The following DST variants were observed in gnomAD, a reference collection of about 807,000 sequenced individuals.
DST encodes the protein bullous pemphigoid antigen.
In DST, 253 loss-of-function variants were observed where a neutral mutation model predicts 875.2. That is an observed-to-expected ratio of 0.29 (90% CI 0.26 to 0.32). The LOEUF is 0.32. Ranked by LOEUF, DST falls within the 10% of genes least tolerant of loss-of-function variation. The probability of loss-of-function intolerance (pLI) is 1.00; values close to 1 mark genes in which losing one functional copy is unlikely to be tolerated. For synonymous variants in DST, 3,124 were observed against 3,197.1 expected, an observed-to-expected ratio of 0.98 and a Z score of 0.77; for missense variants, 8,287 against 9,111.6, an observed-to-expected ratio of 0.91 and a Z score of 3.68.
intron 98 of DST, among the ~76,000 whole-genome samples, chr6:56,467,826 T>C (rs764668983): frequency 4.6e-5 from 7 of 152,234 alleles, no homozygotes; most frequent in East Asian, 1.9e-4. Context: ...CAAGAGAAAA[T>C]AGACTAATGT....
chr6:56,665,368 T>C (rs1336585216), intron 10 of DST, among the ~76,000 whole-genome samples: 1 of 152,222 alleles, frequency 6.6e-6, no homozygotes, highest in Non-Finnish European at 1.5e-5. Context: ...TAGTTGTCAG[T>C]TGTATATGGC....
At chr6:56,679,134 C>T (rs1204378288) in intron 9 of DST, among the ~76,000 whole-genome samples, 2 of 152,082 alleles carry the variant, frequency 1.3e-5, no homozygotes, top group Non-Finnish European at 2.9e-5. Context: ...TACAGATGCC[C>T]CTTCTATCTT....
At chr6:56,931,140 T>A (rs1178143026) in intron 2 of DST, among the ~76,000 whole-genome samples, 3 of 152,060 alleles carry the variant, frequency 2.0e-5, no homozygotes, top group African/African-American at 7.3e-5. Context: ...GAGTTGAGGG[T>A]AGAAGTTTGG....
At chr6:56,863,454 A>C (rs1227993118) in intron 3 of DST, among the ~76,000 whole-genome samples, 3 of 152,146 alleles carry the variant, frequency 2.0e-5, no homozygotes, top group African/African-American at 7.2e-5. Flanking sequence ...AAGTAAATTC[A>C]CTCATTCTTT....
intron 3 of DST, among the ~76,000 whole-genome samples, chr6:56,888,535 T>C (rs1785744745): frequency 6.6e-6 from 1 of 152,160 alleles, no homozygotes; most frequent in Non-Finnish European, 1.5e-5. Flanking sequence ...ATCCTAAGGT[T>C]ATGCACATAG....
chr6:56,709,869 A>G (rs1032792447), intron 5 of DST, among the ~76,000 whole-genome samples: 2 of 152,170 alleles, frequency 1.3e-5, no homozygotes, highest in Admixed American at 6.5e-5. Context: ...AGGTGGAGGG[A>G]GGAGCAAGAA....
At chr6:56,724,404 T>C (rs1235803880) in intron 5 of DST, among the ~76,000 whole-genome samples, 1 of 152,220 alleles carries the variant, frequency 6.6e-6, no homozygotes, top group East Asian at 1.9e-4. Context: ...AGTATTGGTG[T>C]TTGGAGATTC....
At chr6:56,564,964 T>C (rs2097640579) in intron 55 of DST, among the ~76,000 whole-genome samples, 1 of 152,174 alleles carries the variant, frequency 6.6e-6, no homozygotes, top group Non-Finnish European at 1.5e-5. Flanking sequence ...GGATTCAGTT[T>C]GCCAGTATTT....
At position 56,497,896 on chromosome 6, in the gene DST, G is replaced by T. The variant is rs757955419; in HGVS notation, c.20054C>A (p.Thr6685Lys). ...ATCCAGCTGCTGCTTCCTTTGTTCT[G>T]TTTTTTCCAAAACATTTTGCCAGCG... Reference protein sequence around the residue: ...NQRWQNVLEKTEQRKQQLDGA... With the variant: ...NQRWQNVLEKKEQRKQQLDGA... The change falls in exon 81 of 104, where the codon ACA becomes AAA. Residue 6685 changes from threonine (T) to lysine (K), a missense_variant. Transcript: ENST00000680361. 6.8e-6 allele frequency: 11 copies of T among 1,612,732 alleles called. No homozygotes were observed. Among genetic ancestry groups the T allele is most frequent in the Non-Finnish European group, 8.5e-7 (1 of 1,179,378 alleles).
chr6:56,470,378 C>A (rs894167806), intron 95 of DST, 96 bp from the exon 96 acceptor site: 5 of 948,048 alleles, frequency 5.3e-6, no homozygotes. Context: ...CTGGTTAAAT[C>A]ATCAGTGATC....
Position 56,735,241 on chromosome 6 carries a change from T to C in DST, c.674A>G (p.Gln225Arg). 1 of 1,550,872 alleles carries C rather than the reference T, an allele frequency of 6.4e-7. No individual in the cohort carries two copies. The highest frequency in any genetic ancestry group is 2.4e-5 in the East Asian group (1 of 41,546). ...ATAAAAACTGACCTTCATGAGATGC[T>C]GATTTATCCATTTTGTAAATGTTTT... ...QKKTFTKWIN[Q>R]HLMKVRKHVN... Residue 225 changes from glutamine (Q) to arginine (R), a missense_variant, in exon 5 of 104, where the codon CAG (glutamine) becomes CGG (arginine). Physicochemically the swap from Gln to Arg is conservative, Grantham distance 43 (BLOSUM62 1). This residue lies in a region of DST where 1,160 missense variants were observed against 1,424.3 expected (regional missense o/e 0.81). Transcript: ENST00000680361.
chr6:56,560,048 T>C (rs558821304), intron 58 of DST, among the ~76,000 whole-genome samples: 2 of 152,236 alleles, frequency 1.3e-5, no homozygotes, highest in East Asian at 3.9e-4. Flanking sequence ...AGCACTTCAT[T>C]AACTAGTATC....
At chr6:56,746,060 C>T (rs1181351596) in intron 4 of DST, among the ~76,000 whole-genome samples, 5 of 152,070 alleles carry the variant, frequency 3.3e-5, no homozygotes, top group African/African-American at 9.7e-5. Flanking sequence ...TAGCTCACTG[C>T]AAACTCAACC....
intron 4 of DST, among the ~76,000 whole-genome samples, chr6:56,813,954 AG>A (rs1372088714): frequency 6.6e-6 from 1 of 152,144 alleles, no homozygotes; most frequent in Non-Finnish European, 1.5e-5. Flanking sequence ...TTTAAGCATG[AG>A]GAAAAAAAAG....
chr6:56,783,137 C>T (rs1348824911), intron 4 of DST, among the ~76,000 whole-genome samples: 2 of 152,118 alleles, frequency 1.3e-5, no homozygotes, highest in East Asian at 1.9e-4. Context: ...GAGAGCTTTA[C>T]TTCCAACTAT....
At chr6:56,893,562 CTT>C (rs1282483681) in intron 3 of DST, among the ~76,000 whole-genome samples, 24 of 35,900 alleles carry the variant, frequency 6.7e-4, no homozygotes, top group African/African-American at 1.6e-3. Context: ...ACTTTTAGTT[CTT>C]TTTTTTTTTT....
Position 56,515,500 on chromosome 6 carries a change from C to A in DST, c.18526G>T (p.Ala6176Ser), listed in dbSNP as rs540680338. Residue 6176 changes from alanine (A) to serine (S), a missense_variant, in exon 72 of 104, where the codon GCC becomes TCC. Ala to Ser is a moderately conservative substitution (Grantham distance 99). Transcript: ENST00000680361. ...AGAGTTTCATATTCAAGGGCTGGGG[C>A]GGGAAGCTGAGAGATGATTGATTGT... ...ETQSIISQLP[A>S]PALEYETLRQ... The A allele has an allele frequency of 6.2e-7, 1 of 1,613,816 alleles. No homozygotes were observed. The highest frequency in any genetic ancestry group is 2.2e-5 in the East Asian group (1 of 44,870).
At chr6:56,506,406 CCAGCTAAGACCAG>C in intron 77 of DST, 24 bp downstream of exon 77, 1 of 1,523,080 alleles carries the variant, frequency 6.6e-7, no homozygotes. Context: ...ATTCCTCCTT[CCAGCTAAGACCAG>C]CACATACACT....
intron 4 of DST, among the ~76,000 whole-genome samples, chr6:56,807,547 G>A (rs557106977): frequency 2.6e-5 from 4 of 152,100 alleles, no homozygotes; most frequent in Admixed American, 6.6e-5. Context: ...TTAAACACAC[G>A]GGTCAATGGA....
Sources: allele counts gnomAD v4.1 joint callset (sites outside exome capture counted in the v4.1 genomes callset), GRCh38; gene constraint gnomAD v4.1.1; regional missense constraint gnomAD v4.1.1; transcripts MANE v1.5; gene names NCBI Gene and HGNC (gene_info 2026-07-23, HGNC 2026-07-21).